FLNB: variants seen among roughly 807,000 people sequenced by gnomAD.
FLNB encodes the protein filamin-B.
A neutral mutation model predicts 250.6 loss-of-function variants in FLNB; 111 were observed. The ratio of observed to expected loss-of-function variants is 0.44; its 90% CI spans 0.38 to 0.52. FLNB has a LOEUF of 0.52. Among genes scored for constraint, FLNB ranks in the 20% least tolerant of loss-of-function variants. The pLI, the probability that FLNB is intolerant of heterozygous loss-of-function variation, is 0.00. For missense variants in FLNB, 2,869 were observed against 3,447.8 expected (o/e 0.83, Z 4.20); for synonymous variants, 1,302 against 1,372.1 (o/e 0.95, Z 1.13).
chr3:58,106,803 A>G lies in FLNB; in HGVS notation c.1871A>G (p.Asp624Gly), dbSNP rs749830197. 8 of 1,614,140 alleles carry G rather than the reference A, an allele frequency of 5.0e-6. No homozygotes were observed. Among genetic ancestry groups the G allele is most frequent in the Non-Finnish European group, 6.8e-6 (8 of 1,180,018 alleles). ...TATGCTGTTCACATCATGTGTGACG[A>G]CGAAGACATCAAGGACAGCCCGTAC... ...GEYAVHIMCD[D>G]EDIKDSPYMA... Residue 624 changes from aspartate to glycine, a missense_variant, in exon 12 of 46, where the codon GAC (aspartate) becomes GGC (glycine). Transcript: ENST00000295956.
At position 58,106,698 on chromosome 3, in the gene FLNB, C is replaced by A; in HGVS notation, c.1766C>A (p.Pro589His). The change falls in exon 12 of 46, where the codon CCC (proline) becomes CAC (histidine). Residue 589 changes from proline (P) to histidine (H), a missense_variant. Transcript: ENST00000295956. Reference sequence around the variant, plus strand: ...CCCCTAGGGTTTGCCATTGAAGGCCCCTCTCAGGCAAAGATTGAGTACAAC... The same window carrying A: ...CCCCTAGGGTTTGCCATTGAAGGCCACTCTCAGGCAAAGATTGAGTACAAC... ...VGSLGFAIEG[P>H]SQAKIEYNDQ... 6.2e-7 allele frequency: 1 copy of A among 1,614,140 alleles called. No homozygotes were observed. Among genetic ancestry groups the A allele is most frequent in the Non-Finnish European group, 8.5e-7 (1 of 1,180,016 alleles).
intron 1 of FLNB, among the ~76,000 whole-genome samples, chr3:58,070,332 C>G (rs1392382870): frequency 6.6e-6 from 1 of 152,122 alleles, no homozygotes; most frequent in Non-Finnish European, 1.5e-5. Flanking sequence ...GCGTGAGCCA[C>G]TGTGCCCGGC....
intron 36 of FLNB, chr3:58,149,113 C>G (rs1057380793): frequency 4.0e-6 from 2 of 494,002 alleles, no homozygotes; most frequent in Non-Finnish European, 7.4e-6. Flanking sequence ...GCCACAACAC[C>G]TCGCAAACCC....
At chr3:58,134,452 T>C (rs1041972147) in intron 26 of FLNB, among the ~76,000 whole-genome samples, 164 bp from the exon 27 acceptor site, 1 of 152,184 alleles carries the variant, frequency 6.6e-6, no homozygotes, top group Non-Finnish European at 1.5e-5. Flanking sequence ...TACTACCTCA[T>C]AGTTGTAAAT....
intron 4 of FLNB, among the ~76,000 whole-genome samples, chr3:58,082,599 T>C (rs1201122293): frequency 6.6e-5 from 10 of 152,136 alleles, no homozygotes; most frequent in South Asian, 2.1e-4. Flanking sequence ...GGTGAAACCC[T>C]GTCTCTACAA....
intron 1 of FLNB, among the ~76,000 whole-genome samples, chr3:58,074,016 G>A (rs143570026): frequency 9.5e-4 from 144 of 152,320 alleles, no homozygotes; most frequent in African/African-American, 3.3e-3. Context: ...ATGGTCATGG[G>A]AGTAATAGCC....
rs1376220531 is a variant in FLNB, at chr3:58,156,052, C to T, written c.6865C>T (p.Arg2289Cys). 8.7e-6 allele frequency: 14 copies of T among 1,613,876 alleles called. No individual in the cohort carries two copies. Among genetic ancestry groups the T allele is most frequent in the East Asian group, 2.2e-5 (1 of 44,898 alleles). Residue 2289 changes from arginine (R) to cysteine (C), a missense_variant, in exon 41 of 46, where the codon CGC becomes TGC. This residue lies in a region of FLNB where 1,084 missense variants were observed against 1,315.5 expected (regional missense o/e 0.82). Coordinates refer to ENST00000295956, the MANE Select transcript of FLNB (RefSeq NM_001457.4). ...PVIAPSDDAR[R>C]LTVMSLQESG... ...CATCGCACCCTCCGACGACGCCCGC[C>T]GCCTCACTGTTATGAGCCTTCAGGT...
At chr3:58,078,227 C>T in intron 2 of FLNB, 1 of 1,323,618 alleles carries the variant, frequency 7.6e-7, no homozygotes, top group Non-Finnish European at 9.7e-7. Flanking sequence ...TTTAGGATAC[C>T]TCTTTCCAAT....
intron 20 of FLNB, 151 bp from the exon 21 acceptor site, chr3:58,122,942 A>T: frequency 1.3e-6 from 1 of 768,940 alleles, no homozygotes; most frequent in Non-Finnish European, 2.3e-6. Flanking sequence ...TTGTAGCTTT[A>T]ACTCGTGTGC....
intron 25 of FLNB, chr3:58,132,198 C>G (rs901235479): frequency 3.3e-6 from 2 of 605,856 alleles, no homozygotes; most frequent in African/African-American, 3.7e-5. Context: ...GATCTGGACT[C>G]TGCAACCCAA....
At position 58,145,448 on chromosome 3, in the gene FLNB, G is replaced by A. The variant is rs537248074; in HGVS notation, c.5426-473G>A. On this transcript the variant is annotated intron_variant, in intron 32 of 45. Coordinates refer to ENST00000295956, the MANE Select transcript of FLNB (RefSeq NM_001457.4). ...TTAGGTCTTTTCCTGATGTGCACCC[G>A]AACACTGCAGAAATGAAAGTGCTTA... Among the ~76,000 whole-genome samples, 18 of 152,212 alleles carry A rather than the reference G, an allele frequency of 1.2e-4. No homozygotes were observed. The South Asian group carries it at 1.5e-3, about 12-fold the overall frequency.
chr3:58,105,041 T>A, intron 10 of FLNB, 39 bp from the exon 11 acceptor site: 1 of 1,614,002 alleles, frequency 6.2e-7, no homozygotes, highest in African/African-American at 1.3e-5. Context: ...CACCTTACTT[T>A]ACTCTTCTTT....
At chr3:58,136,766 T>G (rs1473582742) in intron 28 of FLNB, among the ~76,000 whole-genome samples, 1 of 146,130 alleles carries the variant, frequency 6.8e-6, no homozygotes, top group African/African-American at 2.6e-5. Context: ...TTTTTTTTTT[T>G]TTTGAGATGG....
At chr3:58,095,452 C>T (rs2097236853) in intron 5 of FLNB, among the ~76,000 whole-genome samples, 1 of 152,106 alleles carries the variant, frequency 6.6e-6, no homozygotes, top group Non-Finnish European at 1.5e-5. Context: ...GACAGGGTTT[C>T]ACCACATTGG....
In FLNB at chr3:58,142,577, C is replaced by T; in HGVS notation, c.5182-73C>T. ...CACTGGCTTGTAGAATTCCCAGCAG[C>T]TCTAACCCCTGTAGCTTCACCAGCT... On this transcript the variant is annotated intron_variant, in intron 30 of 45. Coordinates refer to ENST00000295956, the MANE Select transcript of FLNB (RefSeq NM_001457.4). This position sits in a 1 kb window ranked among gnomAD's most constrained non-coding sequence, Gnocchi z 4.3. The T allele has an allele frequency of 7.7e-7, 1 of 1,303,278 alleles. No homozygotes were observed. Among genetic ancestry groups the T allele is most frequent in the East Asian group, 2.3e-5 (1 of 43,102 alleles). 80.7% of individuals were successfully genotyped at this position (1,303,278 alleles called of 1,614,324 possible).
At chr3:58,063,704 TGG>T (rs1027351916) in intron 1 of FLNB, among the ~76,000 whole-genome samples, 1 of 152,290 alleles carries the variant, frequency 6.6e-6, no homozygotes, top group East Asian at 1.9e-4. Flanking sequence ...TCACAATCTT[TGG>T]GCAGGCTGCC....
In FLNB at chr3:58,097,764, G is replaced by A. The variant is rs551405137; in HGVS notation, c.985-51G>A. ...ATGTATGTGGCTTGATGTCAGTCTT[G>A]CTGGGCACAGAGAAGTGATTATGTA... On this transcript the variant is annotated intron_variant, in intron 6 of 45. Coordinates refer to ENST00000295956, the MANE Select transcript of FLNB (RefSeq NM_001457.4). 3.8e-6 allele frequency: 6 copies of A among 1,567,506 alleles called. No individual in the cohort carries two copies. In the African/African-American group the frequency reaches 6.7e-5, roughly 18 times the overall value.
chr3:58,074,545 G>T (rs2097198983), intron 1 of FLNB, among the ~76,000 whole-genome samples: 1 of 152,202 alleles, frequency 6.6e-6, no homozygotes, highest in South Asian at 2.1e-4. Context: ...AGCAACACAT[G>T]GCAAAGGATG....
chr3:58,089,191 G>A (rs1351184194), intron 4 of FLNB, among the ~76,000 whole-genome samples: 1 of 152,006 alleles, frequency 6.6e-6, no homozygotes, highest in East Asian at 1.9e-4. Flanking sequence ...CCAACACTGA[G>A]GTGATAGAGA....
Sources: allele counts gnomAD v4.1 joint callset (sites outside exome capture counted in the v4.1 genomes callset), GRCh38; gene constraint gnomAD v4.1.1; regional missense constraint gnomAD v4.1.1; non-coding constraint Gnocchi (gnomAD v3.1); transcripts MANE v1.5; gene names NCBI Gene and HGNC (gene_info 2026-07-23, HGNC 2026-07-21).